The following FILIP1L variants were observed in gnomAD, a reference collection of about 807,000 sequenced individuals.
The protein encoded by FILIP1L is filamin A interacting protein 1 like, also known as filamin A-interacting protein 1-like.
A neutral mutation model predicts 96.6 loss-of-function variants in FILIP1L; 55 were observed. The observed-to-expected ratio is 0.57, with a 90% confidence interval of 0.46 to 0.71. FILIP1L has a LOEUF of 0.71. Ranked by LOEUF, FILIP1L falls within the 30% of genes least tolerant of loss-of-function variation. FILIP1L has a pLI of 0.00. For synonymous variants in FILIP1L, 467 were observed against 473.9 expected, an observed-to-expected ratio of 0.99 and a Z score of 0.19; for missense variants, 1,304 against 1,321.2, an observed-to-expected ratio of 0.99 and a Z score of 0.20.
chr3:99,859,968 A>G (rs546731727), intron 4 of FILIP1L, among the ~76,000 whole-genome samples: 1 of 152,348 alleles, frequency 6.6e-6, no homozygotes, highest in East Asian at 1.9e-4. Context: ...AGCATACCAT[A>G]GCCATAATGT....
chr3:99,862,182 A>G (rs1944296443), intron 4 of FILIP1L, among the ~76,000 whole-genome samples: 1 of 152,224 alleles, frequency 6.6e-6, no homozygotes, highest in Non-Finnish European at 1.5e-5. Context: ...ACATCATGTT[A>G]TAGGCCCTAA....
At chr3:99,831,702 A>T (rs945487553) in intron 5 of FILIP1L, among the ~76,000 whole-genome samples, 4 of 152,188 alleles carry the variant, frequency 2.6e-5, no homozygotes, top group Non-Finnish European at 5.9e-5. Flanking sequence ...TCAAAAATCT[A>T]TGTTGGGATC....
chr3:99,862,533 C>T (rs1326083010), intron 4 of FILIP1L, among the ~76,000 whole-genome samples: 1 of 152,128 alleles, frequency 6.6e-6, no homozygotes, highest in African/African-American at 2.4e-5. Context: ...AGGGGCTGTC[C>T]TGTACACTGT....
chr3:100,108,176 G>A (rs994276417), intron 1 of FILIP1L, among the ~76,000 whole-genome samples: 4 of 151,998 alleles, frequency 2.6e-5, no homozygotes, highest in Non-Finnish European at 5.9e-5. Flanking sequence ...TTCTTAATTC[G>A]GTCCAGGGAA....
chr3:100,022,313 C>T (rs2064840234), intron 1 of FILIP1L, among the ~76,000 whole-genome samples: 1 of 152,188 alleles, frequency 6.6e-6, no homozygotes, highest in African/African-American at 2.4e-5. Flanking sequence ...TAAGTTGAGC[C>T]AGTGCCATGT....
intron 1 of FILIP1L, among the ~76,000 whole-genome samples, chr3:99,933,430 T>C (rs1204559387): frequency 6.6e-6 from 1 of 152,126 alleles, no homozygotes; most frequent in East Asian, 1.9e-4. Flanking sequence ...AGAGATGAGA[T>C]TGGGAAAAAC....
At chr3:100,061,180 T>C (rs2065559777) in intron 1 of FILIP1L, among the ~76,000 whole-genome samples, 1 of 152,300 alleles carries the variant, frequency 6.6e-6, no homozygotes, top group Non-Finnish European at 1.5e-5. Context: ...GGGTACAATT[T>C]TTAGATTTTA....
At chr3:99,912,580 G>A (rs1479500933) in intron 4 of FILIP1L, among the ~76,000 whole-genome samples, 5 of 152,150 alleles carry the variant, frequency 3.3e-5, no homozygotes, top group Non-Finnish European at 7.4e-5. Context: ...GTTTTGCCAT[G>A]TTGCCCAGGC....
intron 5 of FILIP1L, 56 bp from the exon 6 acceptor site, chr3:99,830,661 G>GA: frequency 2.2e-6 from 1 of 449,304 alleles, no homozygotes; most frequent in Non-Finnish European, 4.5e-6. Context: ...TGGAGAAGTA[G>GA]AAATTGTTTA....
chr3:99,857,798 TC>T (rs1335751121), intron 4 of FILIP1L, among the ~76,000 whole-genome samples: 2 of 152,228 alleles, frequency 1.3e-5, no homozygotes, highest in African/African-American at 4.8e-5. Context: ...TTCTCATCTG[TC>T]TCTTTAAGGA....
intron 1 of FILIP1L, among the ~76,000 whole-genome samples, chr3:99,984,062 G>GTGTGTGTGTGTGTGTGTGTGTGTT (rs1424250163): frequency 1.3e-5 from 2 of 151,620 alleles, no homozygotes; most frequent in African/African-American, 4.8e-5. Flanking sequence ...ATGTGTGTTT[G>GTGTGTGTGTGTGTGTGTGTGTGTT]TGTGTGTGTG....
At chr3:99,961,042 T>A (rs1708476056) in intron 1 of FILIP1L, among the ~76,000 whole-genome samples, 1 of 152,222 alleles carries the variant, frequency 6.6e-6, no homozygotes, top group African/African-American at 2.4e-5. Flanking sequence ...ATATTTATTG[T>A]CACAGTTTAC....
intron 4 of FILIP1L, among the ~76,000 whole-genome samples, chr3:99,876,820 T>C (rs1268296490): frequency 6.6e-6 from 1 of 152,210 alleles, no homozygotes; most frequent in Non-Finnish European, 1.5e-5. Context: ...CATTTCTGCA[T>C]GCCTGTGTTT....
chr3:99,951,424 G>A (rs1007884330), intron 1 of FILIP1L, among the ~76,000 whole-genome samples: 1 of 152,078 alleles, frequency 6.6e-6, no homozygotes, highest in Non-Finnish European at 1.5e-5. Context: ...GTACTCTGTC[G>A]AATGAATGAA....
At chr3:99,972,436 C>T (rs1708850608) in intron 1 of FILIP1L, among the ~76,000 whole-genome samples, 1 of 152,178 alleles carries the variant, frequency 6.6e-6, no homozygotes, top group African/African-American at 2.4e-5. Flanking sequence ...GGAAACGTCC[C>T]CGTCCCCATT....
At chr3:100,092,636 A>G (rs1210124219) in intron 1 of FILIP1L, among the ~76,000 whole-genome samples, 1 of 148,660 alleles carries the variant, frequency 6.7e-6, no homozygotes. Flanking sequence ...TTAAGCTCCT[A>G]GAATAACGCC....
chr3:100,082,815 T>TA (rs2065952422), intron 1 of FILIP1L, among the ~76,000 whole-genome samples: 2 of 152,222 alleles, frequency 1.3e-5, no homozygotes, highest in African/African-American at 4.8e-5. Context: ...GTCATAGACT[T>TA]ACCTTCGTTG....
At chr3:99,986,157 A>T (rs939594035) in intron 1 of FILIP1L, among the ~76,000 whole-genome samples, 5 of 152,254 alleles carry the variant, frequency 3.3e-5, no homozygotes, top group Admixed American at 3.3e-4. Flanking sequence ...TTATTTTAAT[A>T]AGAACCAGAT....
At chr3:99,946,665 C>A (rs1708017367) in intron 1 of FILIP1L, among the ~76,000 whole-genome samples, 1 of 152,218 alleles carries the variant, frequency 6.6e-6, no homozygotes, top group Non-Finnish European at 1.5e-5. Flanking sequence ...CCATGCACAT[C>A]ATAATTACTT....
Sources: gnomAD v4.1 joint callset for allele counts (sites outside exome capture counted in the v4.1 genomes callset) on GRCh38, gnomAD v4.1.1 for gene constraint, MANE v1.5 for transcripts, NCBI Gene and HGNC (gene_info 2026-07-23, HGNC 2026-07-21) for gene names.